IFITM2: variants seen among roughly 807,000 people sequenced by gnomAD.
The protein encoded by IFITM2 is interferon induced transmembrane protein 2.
A neutral mutation model predicts 5.9 loss-of-function variants in IFITM2; 3 were observed. The observed-to-expected ratio is 0.51, with a 90% CI of 0.23 to 1.32. IFITM2 has a LOEUF of 1.32. Among genes scored for constraint, IFITM2 ranks in the 40% most tolerant of loss-of-function variants. The probability of loss-of-function intolerance (pLI) is 0.18; values close to 1 mark genes in which losing one functional copy is unlikely to be tolerated. For missense variants in IFITM2, 159 were observed against 175.9 expected, an observed-to-expected ratio of 0.90 and a Z score of 0.54; for synonymous variants, 76 against 72.4, an observed-to-expected ratio of 1.05 and a Z score of -0.25.
rs751426304 is a variant in IFITM2, at chr11:309,231, A to C, written c.*66A>C. 6.2e-7 allele frequency: 1 copy of C among 1,613,226 alleles called. No homozygotes were observed. Among genetic ancestry groups the C allele is most frequent in the African/African-American group, 1.3e-5 (1 of 74,960 alleles). Reference sequence around the variant, plus strand: ...CTGTATCCCACGTACTCTATCTTCCATTCCTCGCCCTGCCCCCAGAGGCCA... The same window carrying C: ...CTGTATCCCACGTACTCTATCTTCCCTTCCTCGCCCTGCCCCCAGAGGCCA... On this transcript the variant is annotated 3_prime_UTR_variant, in exon 2 of 2. Transcript: ENST00000616316.
Position 308,310 on chromosome 11 carries a change from C to A in IFITM2, c.118C>A (p.Pro40Thr), listed in dbSNP as rs1278685995. ...MLGVPHNPAP[P>T]MSTVIHIRSE... ...GGGGGTGCCCCACAACCCTGCTCCC[C>A]CGATGTCCACCGTGATCCACATCCG... Residue 40 changes from proline (P) to threonine (T), a missense_variant, in exon 1 of 2, where the codon CCG (proline) becomes ACG (threonine). By Grantham distance (38) the Pro-to-Thr change is conservative (BLOSUM62 -1). Transcript: ENST00000616316. 4 of 1,613,558 alleles carry A rather than the reference C, an allele frequency of 2.5e-6. No individual in the cohort carries two copies. Among genetic ancestry groups the A allele is most frequent in the South Asian group, 1.1e-5 (1 of 91,040 alleles).
chr11:309,069 C>T lies in IFITM2; in HGVS notation c.303C>T (p.Thr101=), dbSNP rs372419420. The T allele has an allele frequency of 3.8e-5, 62 of 1,614,090 alleles. No homozygotes were observed. The highest frequency in any genetic ancestry group is 1.4e-4 in the South Asian group (13 of 91,092). The change falls in exon 2 of 2, where the codon ACC becomes ACT. Residue 101 remains threonine (T), a synonymous_variant. Coordinates refer to ENST00000616316, the MANE Select transcript of IFITM2 (RefSeq NM_006435.3). ...DVTGAQAYAS[T]AKCLNIWALI... is the part of the protein sequence containing the mutation. ...CCGGGGCCCAGGCCTATGCCTCCAC[C>T]GCCAAGTGCCTGAACATCTGGGCCC...
chr11:308,938 A>G (rs1394717068), intron 1 of IFITM2, 75 bp from the exon 2 acceptor site: 1 of 1,603,026 alleles, frequency 6.2e-7, no homozygotes, highest in East Asian at 2.2e-5. Flanking sequence ...GGGAGGAGAC[A>G]GTGAGGAGCT....
Position 308,109 on chromosome 11 carries a change from G to A in IFITM2, c.-84G>A. 6 of 1,550,396 alleles carry A rather than the reference G, an allele frequency of 3.9e-6. No homozygotes were observed. The highest frequency in any genetic ancestry group is 5.3e-6 in the Non-Finnish European group (6 of 1,136,884). On this transcript the variant is annotated 5_prime_UTR_variant, in exon 1 of 2. Transcript: ENST00000616316. Reference sequence around the variant, plus strand: ...CTGCATTTGACAAATGCCAGGAAGAGGAAACTGTTGAGAAAACGGAACTAC... The same window carrying A: ...CTGCATTTGACAAATGCCAGGAAGAAGAAACTGTTGAGAAAACGGAACTAC...
rs1354773049 is a variant in IFITM2, at chr11:309,332, A to G, written c.*167A>G. 20 of 1,522,062 alleles carry G rather than the reference A, an allele frequency of 1.3e-5. No individual in the cohort carries two copies. Among genetic ancestry groups the G allele is most frequent in the Admixed American group, 1.0e-4 (5 of 50,156 alleles). The allele number at this position is 1,522,062 out of a possible 1,614,324, so 94.3% of individuals were successfully genotyped here. A position where few individuals can be genotyped will look rare whatever the true frequency, so the allele number is the denominator to read the frequency against. The stretch of plus-strand genomic sequence containing the variant: ...CCCTGTCCCCACAGCCGAGTCCTGC[A>G]TCAGCCCTTTATCCTCACACGCTTT... On this transcript the variant is annotated 3_prime_UTR_variant, in exon 2 of 2. Coordinates refer to ENST00000616316, the MANE Select transcript of IFITM2 (RefSeq NM_006435.3).
rs1464267880 is a variant in IFITM2 at position 309,123 on chromosome 11, G to T, written c.357G>T (p.Leu119=). The T allele has an allele frequency of 6.2e-7, 1 of 1,614,196 alleles. No individual in the cohort carries two copies. Among genetic ancestry groups the T allele is most frequent in the Non-Finnish European group, 8.5e-7 (1 of 1,180,030 alleles). The change falls in exon 2 of 2, where the codon CTG becomes CTT. Residue 119 remains leucine (L), a synonymous_variant. Transcript: ENST00000616316. ...ALILGIFMTI[L]LIIIPVLVVQ... is the part of the protein sequence containing the mutation. Reference sequence around the variant, plus strand: ...TTTTGGGCATCTTCATGACCATTCTGCTCATCATCATCCCAGTGTTGGTCG... The same window carrying T: ...TTTTGGGCATCTTCATGACCATTCTTCTCATCATCATCCCAGTGTTGGTCG...
At position 308,397 on chromosome 11, in the gene IFITM2, A is replaced by G; in HGVS notation, c.205A>G (p.Thr69Ala). 1 of 1,613,778 alleles carries G rather than the reference A, an allele frequency of 6.2e-7. No individual in the cohort carries two copies. Among genetic ancestry groups the G allele is most frequent in the Non-Finnish European group, 8.5e-7 (1 of 1,179,804 alleles). The change falls in exon 1 of 2, where the codon ACC (threonine) becomes GCC (alanine). Residue 69 changes from threonine to alanine, a missense_variant. Thr to Ala is a moderately conservative substitution (Grantham distance 58). Coordinates refer to ENST00000616316, the MANE Select transcript of IFITM2 (RefSeq NM_006435.3). Reference protein sequence around the residue: ...WSLFNTLFMNTCCLGFIAFAY... With the variant: ...WSLFNTLFMNACCLGFIAFAY... ...CCTGTTCAACACCCTCTTCATGAAC[A>G]CCTGCTGCCTGGGCTTCATAGCATT...
In IFITM2 at chr11:308,025, C is replaced by A. The variant is rs111286829; in HGVS notation, c.-168C>A. ...AGCCCTCAGCCCCTCTTTCCTCCCT[C>A]TCCTAAAGTAATTTGATCCTCAGGA... On this transcript the variant is annotated 5_prime_UTR_variant, in exon 1 of 2. Coordinates refer to ENST00000616316, the MANE Select transcript of IFITM2 (RefSeq NM_006435.3). 45,747 of 781,192 alleles carry A rather than the reference C, an allele frequency of 0.059. 1,452 individuals carry two copies. The highest frequency in any genetic ancestry group is 0.068 in the Non-Finnish European group (33,532 of 492,936). 48.4% of individuals were successfully genotyped at this position (781,192 alleles called of 1,614,324 possible). A position where few individuals can be genotyped will look rare whatever the true frequency, so the allele number is the denominator to read the frequency against.
rs1845996994 is a variant in IFITM2, at chr11:309,097, A to C, written c.331A>C (p.Ile111Leu). Residue 111 changes from isoleucine to leucine, a missense_variant, in exon 2 of 2, where the codon ATT (isoleucine) becomes CTT (leucine). Coordinates refer to ENST00000616316, the MANE Select transcript of IFITM2 (RefSeq NM_006435.3). ...CAAGTGCCTGAACATCTGGGCCCTGATTTTGGGCATCTTCATGACCATTCT... is the reference window on the plus strand; with the variant it reads ...CAAGTGCCTGAACATCTGGGCCCTGCTTTTGGGCATCTTCATGACCATTCT... ...TAKCLNIWALILGIFMTILLI... is the reference protein window; with the variant it reads ...TAKCLNIWALLLGIFMTILLI... 6.2e-7 allele frequency: 1 copy of C among 1,614,050 alleles called. No individual in the cohort carries two copies.
At chr11:308,808 C>T (rs773115817) in intron 1 of IFITM2, 2 of 742,526 alleles carry the variant, frequency 2.7e-6, no homozygotes, top group Admixed American at 4.0e-5. Flanking sequence ...GGTGACTTCA[C>T]CCCATGGTGG....
In IFITM2 at chr11:308,239, C is replaced by T; in HGVS notation, c.47C>T (p.Pro16Leu). 6.2e-7 allele frequency: 1 copy of T among 1,614,174 alleles called. No individual in the cohort carries two copies. Among genetic ancestry groups the T allele is most frequent in the Non-Finnish European group, 8.5e-7 (1 of 1,180,014 alleles). The change falls in exon 1 of 2, where the codon CCT becomes CTT. Residue 16 changes from proline (P) to leucine (L), a missense_variant. Coordinates refer to ENST00000616316, the MANE Select transcript of IFITM2 (RefSeq NM_006435.3). ...TTCTCTCCTGTCAACAGCGGCCAGC[C>T]TCCCAACTACGAGATGCTCAAGGAG... Reference protein sequence around the residue: ...QTFSPVNSGQPPNYEMLKEEQ... With the variant: ...QTFSPVNSGQLPNYEMLKEEQ...
At chr11:308,851 G>A (rs897476839) in intron 1 of IFITM2, 162 bp from the exon 2 acceptor site, 7 of 1,027,432 alleles carry the variant, frequency 6.8e-6, no homozygotes, top group Non-Finnish European at 3.0e-6. Flanking sequence ...CAAGGCAGAA[G>A]GAGGATGAGC....
chr11:308,936 A>G, intron 1 of IFITM2, 77 bp from the exon 2 acceptor site: 1 of 1,602,392 alleles, frequency 6.2e-7, no homozygotes, highest in South Asian at 1.1e-5. Context: ...CAGGGAGGAG[A>G]CAGTGAGGAG....
chr11:308,058 C>G lies in IFITM2; in HGVS notation c.-135C>G, dbSNP rs1306547453. 6 of 1,125,028 alleles carry G rather than the reference C, an allele frequency of 5.3e-6. No homozygotes were observed. The highest frequency in any genetic ancestry group is 7.7e-6 in the Non-Finnish European group (6 of 778,298). The allele number at this position is 1,125,028 out of a possible 1,614,324, so 69.7% of individuals were successfully genotyped here. A position where few individuals can be genotyped will look rare whatever the true frequency, so the allele number is the denominator to read the frequency against. On this transcript the variant is annotated 5_prime_UTR_variant, in exon 1 of 2. Transcript: ENST00000616316. ...GTAATTTGATCCTCAGGAATTTGTT[C>G]TGCCCTTATCTGGCCCTGGCCAGCT...
chr11:308,966 C>T (rs143769893), intron 1 of IFITM2, 47 bp from the exon 2 acceptor site: 1 of 1,603,542 alleles, frequency 6.2e-7, no homozygotes, highest in Non-Finnish European at 8.5e-7. Flanking sequence ...TAGCACGCGG[C>T]TCTCAGCTGG....
chr11:308,786 A>G (rs1845993949), intron 1 of IFITM2: 2 of 726,062 alleles, frequency 2.8e-6, no homozygotes, highest in African/African-American at 3.5e-5. Context: ...GAAAGTGAGA[A>G]GGGAACTCAC....
chr11:308,301 C>A lies in IFITM2; in HGVS notation c.109C>A (p.Pro37Thr). ...GGCTATGCTGGGGGTGCCCCACAAC[C>A]CTGCTCCCCCGATGTCCACCGTGAT... is the stretch of plus-strand genomic sequence containing the variant. ...EVAMLGVPHN[P>T]APPMSTVIHI... is the part of the protein sequence containing the mutation. The change falls in exon 1 of 2, where the codon CCT becomes ACT. Residue 37 changes from proline to threonine, a missense_variant. By Grantham distance (38) the Pro-to-Thr change is conservative. Coordinates refer to ENST00000616316, the MANE Select transcript of IFITM2 (RefSeq NM_006435.3). The A allele has an allele frequency of 6.2e-7, 1 of 1,613,360 alleles. No individual in the cohort carries two copies. The highest frequency in any genetic ancestry group is 8.5e-7 in the Non-Finnish European group (1 of 1,179,818).
chr11:308,141 A>G lies in IFITM2; in HGVS notation c.-52A>G. ...GTTGAGAAAACGGAACTACTGGGGA[A>G]AGGGAGGGCTCACTGAGAACCATCC... On this transcript the variant is annotated 5_prime_UTR_variant, in exon 1 of 2. Coordinates refer to ENST00000616316, the MANE Select transcript of IFITM2 (RefSeq NM_006435.3). 6.3e-7 allele frequency: 1 copy of G among 1,596,978 alleles called. No homozygotes were observed. Among genetic ancestry groups the G allele is most frequent in the Non-Finnish European group, 8.6e-7 (1 of 1,168,084 alleles).
chr11:309,091 G>T lies in IFITM2; in HGVS notation c.325G>T (p.Ala109Ser). 1.2e-6 allele frequency: 2 copies of T among 1,614,226 alleles called. No homozygotes were observed. The highest frequency in any genetic ancestry group is 1.7e-6 in the Non-Finnish European group (2 of 1,180,036). Residue 109 changes from alanine to serine, a missense_variant, in exon 2 of 2, where the codon GCC becomes TCC. Ala to Ser is a moderately conservative substitution (Grantham distance 99). Transcript: ENST00000616316. ...CACCGCCAAGTGCCTGAACATCTGG[G>T]CCCTGATTTTGGGCATCTTCATGAC... ...ASTAKCLNIW[A>S]LILGIFMTIL...
Sources: gnomAD v4.1 joint callset for allele counts on GRCh38, gnomAD v4.1.1 for gene constraint, MANE v1.5 for transcripts, NCBI Gene and HGNC (gene_info 2026-07-23, HGNC 2026-07-21) for gene names.